The following NECAB3 variants were observed in gnomAD, a reference collection of about 807,000 sequenced individuals.
The protein encoded by NECAB3 is N-terminal EF-hand calcium-binding protein 3.
A neutral mutation model predicts 57.2 loss-of-function variants in NECAB3; 38 were observed. That is an observed-to-expected ratio of 0.66 (90% confidence interval 0.51 to 0.87). The LOEUF (loss-of-function observed/expected upper bound fraction) is 0.87, where lower values mean the gene tolerates loss of function less well. Ranked by LOEUF, NECAB3 falls within the 40% of genes least tolerant of loss-of-function variation. NECAB3 has a pLI of 0.00. For missense variants in NECAB3, 474 were observed against 527.5 expected, an observed-to-expected ratio of 0.90 and a Z score of 0.99; for synonymous variants, 223 against 222.6, an observed-to-expected ratio of 1.00 and a Z score of -0.02.
chr20:33,658,662 G>A, intron 9 of NECAB3, 60 bp downstream of exon 9: 1 of 1,595,782 alleles, frequency 6.3e-7, no homozygotes, highest in Non-Finnish European at 8.6e-7. Flanking sequence ...GCCAGCCCCA[G>A]CACCCCTCTC....
chr20:33,659,543 CG>C lies in NECAB3; in HGVS notation c.832del (p.Arg278GlyfsTer115). 5.2e-6 allele frequency: 8 copies of C among 1,552,040 alleles called. No individual in the cohort carries two copies. Among genetic ancestry groups the C allele is most frequent in the Admixed American group, 3.8e-5 (2 of 52,118 alleles). The part of the protein sequence containing the change: ...GPHSVPSQAP[R>X]LEPLREEDLA... ...GTCCTCTTCACGCAGGGGTTCCAGC[CG>C]GGGGGCCTGTGAGGGCACAGAGTGT... On this transcript the variant is annotated frameshift_variant, in exon 8 of 12. Transcript: ENST00000246190. LOFTEE classifies it high-confidence loss of function.
chr20:33,658,146 C>CG, intron 10 of NECAB3, 113 bp from the exon 11 acceptor site: 1 of 931,848 alleles, frequency 1.1e-6, no homozygotes, highest in Non-Finnish European at 1.6e-6. Context: ...GTCCTCTCCC[C>CG]TGTGACACGG....
chr20:33,658,584 G>GTTC (rs760877070), intron 9 of NECAB3, 30 bp from the exon 10 acceptor site: 5 of 1,612,622 alleles, frequency 3.1e-6, no homozygotes, highest in Non-Finnish European at 4.2e-6. Context: ...GGCAGGCCAG[G>GTTC]CCAGGGCTGC....
chr20:33,667,455 G>A (rs1208156350), intron 5 of NECAB3: 2 of 1,426,458 alleles, frequency 1.4e-6, no homozygotes, highest in African/African-American at 1.5e-5. Flanking sequence ...GCGAAAGGGT[G>A]GCGGAGCTGC....
chr20:33,660,343 C>T lies in NECAB3; in HGVS notation c.440G>A (p.Arg147Gln), dbSNP rs751174606. Residue 147 changes from arginine to glutamine, a missense_variant, in exon 6 of 12, where the codon CGG (arginine) becomes CAG (glutamine). Physicochemically the swap from Arg to Gln is conservative, Grantham distance 43. Coordinates refer to ENST00000246190, the MANE Select transcript of NECAB3 (RefSeq NM_031232.4). The surrounding 1 kb of genome is among the most constrained non-coding windows in gnomAD (Gnocchi z 4.1). Reference sequence around the variant, plus strand: ...GGCTTGCAGCTGGCTCACCGTCTCCCGCAGCAGGAAGCGCGTCACAAACTG... The same window carrying T: ...GGCTTGCAGCTGGCTCACCGTCTCCTGCAGCAGGAAGCGCGTCACAAACTG... ...VDQFVTRFLL[R>Q]ETVSQLQALQ... is the part of the protein sequence containing the mutation. The T allele has an allele frequency of 3.7e-6, 6 of 1,613,482 alleles. No individual in the cohort carries two copies. Among genetic ancestry groups the T allele is most frequent in the African/African-American group, 2.7e-5 (2 of 74,938 alleles).
rs748925429 is a variant in NECAB3 at position 33,659,939 on chromosome 20, C to T, written c.589G>A (p.Ala197Thr). The change falls in exon 7 of 12, where the codon GCC becomes ACC. Residue 197 changes from alanine to threonine, a missense_variant. Transcript: ENST00000246190. The stretch of plus-strand genomic sequence containing the variant: ...GATGACCGGCTGACACTCCTCAGGG[C>T]TCGGCGTCCTGCCCGCCGGCTGCCG... ...LCGSRRAGRR[A>T]LRSVSRSSTW... 50 of 1,551,798 alleles carry T rather than the reference C, an allele frequency of 3.2e-5. 1 individual carries two copies. The South Asian group carries it at 5.8e-4, about 18-fold the overall frequency.
At chr20:33,670,653 G>C (rs189690933) in intron 3 of NECAB3, 31 bp downstream of exon 3, 41 of 1,514,270 alleles carry the variant, frequency 2.7e-5, no homozygotes, top group Non-Finnish European at 3.7e-5. Flanking sequence ...ACCTGGCCTC[G>C]CATCTACCCA....
In NECAB3 at chr20:33,663,787, C is replaced by G. The variant is rs2017569446; in HGVS notation, c.388-3392G>C. Reference sequence around the variant, plus strand: ...GCGGCTGCTCTCGCGCTTCCGGTCCCCGGGGAAGGCTCCCCGCGAAGCCGG... The same window carrying G: ...GCGGCTGCTCTCGCGCTTCCGGTCCGCGGGGAAGGCTCCCCGCGAAGCCGG... On this transcript the variant is annotated intron_variant, in intron 5 of 11. Transcript: ENST00000246190. 3 of 1,425,200 alleles carry G rather than the reference C, an allele frequency of 2.1e-6. No homozygotes were observed. The South Asian group carries it at 4.4e-5, about 21-fold the overall frequency. 88.3% of individuals were successfully genotyped at this position (1,425,200 alleles called of 1,614,324 possible). A position where few individuals can be genotyped will look rare whatever the true frequency, so the allele number is the denominator to read the frequency against.
chr20:33,674,089 G>T, intron 1 of NECAB3, 135 bp downstream of exon 1: 2 of 972,174 alleles, frequency 2.1e-6, no homozygotes, highest in South Asian at 5.3e-5. Flanking sequence ...GGGCAGAAAG[G>T]TCAAGAGAAA....
Position 33,660,150 on chromosome 20 carries a change from C to G in NECAB3, c.524+109G>C. On this transcript the variant is annotated intron_variant, in intron 6 of 11. Transcript: ENST00000246190. This position sits in a 1 kb window ranked among gnomAD's most constrained non-coding sequence, Gnocchi z 4.1. ...CGCCATGGCTACCCTGCCATGGCTT[C>G]CCCGCCCGAAAATGCAGGCTCCAGG... The G allele has an allele frequency of 6.5e-7, 1 of 1,532,772 alleles. No individual in the cohort carries two copies. Among genetic ancestry groups the G allele is most frequent in the Non-Finnish European group, 8.8e-7 (1 of 1,140,546 alleles). 94.9% of individuals were successfully genotyped at this position (1,532,772 alleles called of 1,614,324 possible).
rs370149268 is a variant in NECAB3 at position 33,666,768 on chromosome 20, G to A, written c.387+2607C>T. 6 of 152,402 alleles carry A rather than the reference G, an allele frequency of 3.9e-5. No individual in the cohort carries two copies. In the East Asian group the frequency reaches 1.2e-3, roughly 29 times the overall value. 9.4% of individuals were successfully genotyped at this position (152,402 alleles called of 1,614,324 possible). A position where few individuals can be genotyped will look rare whatever the true frequency, so the allele number is the denominator to read the frequency against. ...CAGAGGGAGACCAAGAGGGTGAGAT[G>A]CGGCTGGAACCCAGCCAGAGCGGAG... is the stretch of plus-strand genomic sequence containing the variant. On this transcript the variant is annotated intron_variant, in intron 5 of 11. Transcript: ENST00000246190.
chr20:33,663,390 C>T, intron 5 of NECAB3: 2 of 895,166 alleles, frequency 2.2e-6, no homozygotes, highest in East Asian at 2.9e-5. Context: ...CCCCTCCAGC[C>T]CTGTGCACGA....
In NECAB3 at chr20:33,670,706, C is replaced by T. The variant is rs1211972809; in HGVS notation, c.241G>A (p.Gly81Ser). The change falls in exon 3 of 12, where the codon GGC becomes AGC. Residue 81 changes from glycine to serine, a missense_variant. Physicochemically the swap from Gly to Ser is moderately conservative, Grantham distance 56. Coordinates refer to ENST00000246190, the MANE Select transcript of NECAB3 (RefSeq NM_031232.4). Reference sequence around the variant, plus strand: ...CACTCGGTGAGATGCCCATCAATGCCGCTGAACAGTTCCTGCAGCTCCCCC... The same window carrying T: ...CACTCGGTGAGATGCCCATCAATGCTGCTGAACAGTTCCTGCAGCTCCCCC... ...SLGELQELFS[G>S]IDGHLTDNLE... is the part of the protein sequence containing the mutation. The T allele has an allele frequency of 5.0e-6, 8 of 1,613,866 alleles. No individual in the cohort carries two copies. In the East Asian group the frequency reaches 1.1e-4, roughly 22 times the overall value.
Position 33,670,852 on chromosome 20 carries a change from C to T in NECAB3, c.155-60G>A, listed in dbSNP as rs541497646. On this transcript the variant is annotated intron_variant, in intron 2 of 11. Coordinates refer to ENST00000246190, the MANE Select transcript of NECAB3 (RefSeq NM_031232.4). ...GGTATCCCTGACCCTGACTGCACCC[C>T]TGCCACCAGGTCCAGGGTCCCAAAG... 2.5e-5 allele frequency: 33 copies of T among 1,294,480 alleles called. No individual in the cohort carries two copies. In the South Asian group the frequency reaches 3.8e-4, roughly 15 times the overall value. The allele number at this position is 1,294,480 out of a possible 1,614,324, so 80.2% of individuals were successfully genotyped here. A position where few individuals can be genotyped will look rare whatever the true frequency, so the allele number is the denominator to read the frequency against.
rs1281184990 is a variant in NECAB3 at position 33,660,081 on chromosome 20, C to CT, written c.525-79dup. Reference sequence around the variant, plus strand: ...AGCCTGGGTGGGGAAGACAAGCCTCCTGGGACTCCGAGGCCTAGCCCCAAA... The same window carrying CT: ...AGCCTGGGTGGGGAAGACAAGCCTCCTTGGGACTCCGAGGCCTAGCCCCAAA... On this transcript the variant is annotated intron_variant, in intron 6 of 11. Transcript: ENST00000246190. This position sits in a 1 kb window ranked among gnomAD's most constrained non-coding sequence, Gnocchi z 4.1. 2 of 1,524,198 alleles carry CT rather than the reference C, an allele frequency of 1.3e-6. No individual in the cohort carries two copies. Among genetic ancestry groups the CT allele is most frequent in the Admixed American group, 4.1e-5 (2 of 48,306 alleles). 94.4% of individuals were successfully genotyped at this position (1,524,198 alleles called of 1,614,324 possible). A position where few individuals can be genotyped will look rare whatever the true frequency, so the allele number is the denominator to read the frequency against.
At chr20:33,674,443 C>T, upstream of NECAB3, 1 of 1,024,428 alleles carries the variant, frequency 9.8e-7, no homozygotes, top group South Asian at 4.6e-5. Flanking sequence ...CCCCTTGGCG[C>T]CGGCGCCGAC....
At position 33,660,131 on chromosome 20, in the gene NECAB3, G is replaced by A. The variant is rs1360934033; in HGVS notation, c.524+128C>T. ...AGCCAGTCTCATTTCACCCCGCCATGGCTACCCTGCCATGGCTTCCCCGCC... is the reference window on the plus strand; with the variant it reads ...AGCCAGTCTCATTTCACCCCGCCATAGCTACCCTGCCATGGCTTCCCCGCC... On this transcript the variant is annotated intron_variant, in intron 6 of 11. Coordinates refer to ENST00000246190, the MANE Select transcript of NECAB3 (RefSeq NM_031232.4). The surrounding 1 kb of genome is among the most constrained non-coding windows in gnomAD (Gnocchi z 4.1). 1.9e-5 allele frequency: 29 copies of A among 1,527,418 alleles called. No homozygotes were observed. The highest frequency in any genetic ancestry group is 2.4e-5 in the Non-Finnish European group (27 of 1,139,368). The allele number at this position is 1,527,418 out of a possible 1,614,324, so 94.6% of individuals were successfully genotyped here.
chr20:33,660,237 G>C lies in NECAB3; in HGVS notation c.524+22C>G. On this transcript the variant is annotated intron_variant, in intron 6 of 11. Coordinates refer to ENST00000246190, the MANE Select transcript of NECAB3 (RefSeq NM_031232.4). The surrounding 1 kb of genome is among the most constrained non-coding windows in gnomAD (Gnocchi z 4.1). ...TGGGCGCTTGTGCACTAGCCCCACA[G>C]GTTGACAGCACCCTTACATACCGCC... The C allele has an allele frequency of 6.2e-7, 1 of 1,609,414 alleles. No individual in the cohort carries two copies. The highest frequency in any genetic ancestry group is 1.7e-5 in the Admixed American group (1 of 59,912).
chr20:33,674,275 G>A lies in NECAB3; in HGVS notation c.78C>T (p.His26=), dbSNP rs2017900464. Residue 26 remains histidine (H), a synonymous_variant, in exon 1 of 12, where the codon CAC becomes CAT. Coordinates refer to ENST00000246190, the MANE Select transcript of NECAB3 (RefSeq NM_031232.4). ...GCCCCGGGTCGGGCGCGAGCTGGGG[G>A]TGCCGCGGGGTCTGGGGCTGGGGCT... ...APQPQPQTPR[H]PQLAPDPGPA... is the part of the protein sequence containing the mutation. 8.1e-7 allele frequency: 1 copy of A among 1,229,150 alleles called. No individual in the cohort carries two copies. Among genetic ancestry groups the A allele is most frequent in the Non-Finnish European group, 1.0e-6 (1 of 985,372 alleles). The allele number at this position is 1,229,150 out of a possible 1,614,324, so 76.1% of individuals were successfully genotyped here. A position where few individuals can be genotyped will look rare whatever the true frequency, so the allele number is the denominator to read the frequency against.
Sources: allele counts gnomAD v4.1 joint callset, GRCh38; gene constraint gnomAD v4.1.1; non-coding constraint Gnocchi (gnomAD v3.1); transcripts MANE v1.5; gene names NCBI Gene and HGNC (gene_info 2026-07-23, HGNC 2026-07-21).